The following FAM13A variants were observed in gnomAD, a reference collection of about 807,000 sequenced individuals.
FAM13A encodes family with sequence similarity 13 member A, also known as protein FAM13A.
Under a neutral mutation model 129.6 loss-of-function variants are expected in FAM13A, and 76 were observed. That is an observed-to-expected ratio of 0.59 (90% CI 0.49 to 0.71). The LOEUF (loss-of-function observed/expected upper bound fraction) is 0.71. FAM13A is among the 30% of genes least tolerant of loss of function. The pLI, the probability that FAM13A is intolerant of heterozygous loss-of-function variation, is 0.00. For synonymous variants in FAM13A, 443 were observed against 449.9 expected, an observed-to-expected ratio of 0.98 and a Z score of 0.20; for missense variants, 1,108 against 1,249.3, an observed-to-expected ratio of 0.89 and a Z score of 1.70.
At chr4:89,003,533 T>TA (rs1764572150) in intron 3 of FAM13A, among the ~76,000 whole-genome samples, 1 of 151,942 alleles carries the variant, frequency 6.6e-6, no homozygotes, top group African/African-American at 2.4e-5. Context: ...ATCATGGTTA[T>TA]AGGTGTGCGG....
intron 3 of FAM13A, among the ~76,000 whole-genome samples, chr4:89,001,790 A>G (rs537045345): frequency 6.6e-6 from 1 of 152,340 alleles, no homozygotes; most frequent in African/African-American, 2.4e-5. Flanking sequence ...AGTTCCTCAT[A>G]TAATGAAGAA....
chr4:89,034,869 G>A (rs1769165486), intron 1 of FAM13A, among the ~76,000 whole-genome samples: 1 of 152,130 alleles, frequency 6.6e-6, no homozygotes, highest in South Asian at 2.1e-4. Flanking sequence ...GTGACAGAGT[G>A]AGACTGTCTG....
At chr4:88,737,793 G>T (rs959372815) in intron 20 of FAM13A, among the ~76,000 whole-genome samples, 1 of 152,180 alleles carries the variant, frequency 6.6e-6, no homozygotes, top group African/African-American at 2.4e-5. Flanking sequence ...GAACAGCACA[G>T]GAGTATATCC....
intron 7 of FAM13A, among the ~76,000 whole-genome samples, chr4:88,814,000 A>G (rs1428636054): frequency 6.6e-6 from 1 of 152,174 alleles, no homozygotes; most frequent in Non-Finnish European, 1.5e-5. Flanking sequence ...GAAACCTGAA[A>G]TTTGATTATT....
At chr4:88,852,884 C>T (rs1737850252) in intron 6 of FAM13A, among the ~76,000 whole-genome samples, 1 of 151,828 alleles carries the variant, frequency 6.6e-6, no homozygotes, top group Admixed American at 6.6e-5. Flanking sequence ...TATATAAAAA[C>T]AATATATGAA....
intron 14 of FAM13A, among the ~76,000 whole-genome samples, chr4:88,755,716 CTA>C (rs3971663): frequency 0.62 from 93,716 of 151,966 alleles, 30,235 homozygotes; most frequent in Non-Finnish European, 0.73. Flanking sequence ...TCTTGTTTTT[CTA>C]TGATACTTTT....
chr4:88,907,566 T>C (rs553972936), intron 5 of FAM13A, among the ~76,000 whole-genome samples: 1 of 152,346 alleles, frequency 6.6e-6, no homozygotes, highest in East Asian at 1.9e-4. Flanking sequence ...TATGATGTAT[T>C]GGGCGTTGCT....
rs1219497997 is a variant in FAM13A at position 88,785,912 on chromosome 4, G to C, written c.1271+1841C>G. ...CAATGCCCAACTGTGATTTGACCAG[G>C]AGGAGTGGTGAAGGGAATAGCAAGA... On this transcript the variant is annotated intron_variant, in intron 10 of 23. Transcript: ENST00000264344. Among the ~76,000 whole-genome samples, 6 of 152,262 alleles carry C rather than the reference G, an allele frequency of 3.9e-5. No homozygotes were observed. The South Asian group carries it at 8.3e-4, about 21-fold the overall frequency.
chr4:88,968,583 C>A (rs1463417071), intron 4 of FAM13A, among the ~76,000 whole-genome samples: 1 of 152,182 alleles, frequency 6.6e-6, no homozygotes, highest in Non-Finnish European at 1.5e-5. Flanking sequence ...AGGATATACA[C>A]TGTTCTTTCT....
rs1764019981 is a variant in FAM13A, at chr4:88,999,870, A to T, written c.428-8720T>A. On this transcript the variant is annotated intron_variant, in intron 3 of 23. Coordinates refer to ENST00000264344, the MANE Select transcript of FAM13A (RefSeq NM_014883.4). ...AAGCTAATCATCTGGCTATCCCTTC[A>T]ACTGATATTCTTTAACCAAATTTTT... Among the ~76,000 whole-genome samples the T allele has an allele frequency of 3.9e-5, 6 of 152,312 alleles. No individual in the cohort carries two copies. The South Asian group carries it at 1.2e-3, about 32-fold the overall frequency.
Position 88,767,979 on chromosome 4 carries a change from T to C in FAM13A, c.1535+4A>G. 1 of 1,574,100 alleles carries C rather than the reference T, an allele frequency of 6.4e-7. No individual in the cohort carries two copies. Among genetic ancestry groups the C allele is most frequent in the Admixed American group, 1.7e-5 (1 of 59,876 alleles). ...AGAATATTAGGAGACAATTCTAAAA[T>C]TACCTTTCATCAGACATCCATTCAA... On this transcript the variant is annotated splice_donor_region_variant and intron_variant, in intron 12 of 23. Coordinates refer to ENST00000264344, the MANE Select transcript of FAM13A (RefSeq NM_014883.4).
chr4:88,838,080 T>C (rs1735136545), intron 7 of FAM13A, among the ~76,000 whole-genome samples: 1 of 152,206 alleles, frequency 6.6e-6, no homozygotes, highest in Non-Finnish European at 1.5e-5. Context: ...AATCTAGAGA[T>C]GATTTAAAGT....
intron 6 of FAM13A, among the ~76,000 whole-genome samples, chr4:88,887,813 G>A (rs1744703028): frequency 2.0e-5 from 3 of 152,106 alleles, no homozygotes; most frequent in Non-Finnish European, 2.9e-5. Context: ...GATTACAGGC[G>A]TGAGCCACCG....
At chr4:88,847,952 C>CCA (rs35093174) in intron 7 of FAM13A, among the ~76,000 whole-genome samples, 1,902 of 137,014 alleles carry the variant, frequency 0.014, 46 homozygotes, top group African/African-American at 0.047. Flanking sequence ...GACTCTGTCC[C>CCA]AAAAAAAAAA....
In FAM13A at chr4:88,747,742, C is replaced by G; in HGVS notation, c.2271G>C (p.Lys757Asn). The G allele has an allele frequency of 6.2e-7, 1 of 1,614,168 alleles. No individual in the cohort carries two copies. ...GSQLEKEDEKKQELVDKAIKP... is the reference protein window; with the variant it reads ...GSQLEKEDEKNQELVDKAIKP... ...TTATTGCTTTATCCACCAGCTCTTG[C>G]TTCTTCTCATCTTCTTTCTCAAGTT... Residue 757 changes from lysine to asparagine, a missense_variant, in exon 18 of 24, where the codon AAG (lysine) becomes AAC (asparagine). Transcript: ENST00000264344.
At chr4:88,895,294 T>C (rs190692419) in intron 6 of FAM13A, among the ~76,000 whole-genome samples, 153 of 152,240 alleles carry the variant, frequency 1.0e-3, no homozygotes, top group African/African-American at 3.5e-3. Flanking sequence ...AATATATATG[T>C]TAATGAAAGA....
chr4:88,825,231 G>T (rs538883494), intron 7 of FAM13A, among the ~76,000 whole-genome samples: 9 of 148,646 alleles, frequency 6.1e-5, no homozygotes, highest in African/African-American at 1.2e-4. Context: ...TTTTTTTGGG[G>T]GGGGGATGGA....
intron 4 of FAM13A, among the ~76,000 whole-genome samples, chr4:88,968,891 T>A (rs191210127): frequency 6.6e-6 from 1 of 152,276 alleles, no homozygotes. Context: ...TGGGGTCACA[T>A]AAAGGAATAC....
rs1256810935 is a variant in FAM13A, at chr4:88,734,809, C to A, written c.2647-2611G>T. On this transcript the variant is annotated intron_variant, in intron 21 of 23. Transcript: ENST00000264344. ...GCCCCAAAGGTCAGCAGTGCTGAGG[C>A]TGAGACACCCTATCCTCAGAAAGGC... Among the ~76,000 whole-genome samples, 3 of 152,182 alleles carry A rather than the reference C, an allele frequency of 2.0e-5. No individual in the cohort carries two copies. In the East Asian group the frequency reaches 5.8e-4, roughly 29 times the overall value.
Sources: gnomAD v4.1 joint callset for allele counts (sites outside exome capture counted in the v4.1 genomes callset) on GRCh38, gnomAD v4.1.1 for gene constraint, MANE v1.5 for transcripts, NCBI Gene and HGNC (gene_info 2026-07-23, HGNC 2026-07-21) for gene names.